Variants in MBD5 observed in about 807,000 individuals in gnomAD.
MBD5 encodes methyl-CpG-binding domain protein 5.
Under a neutral mutation model 117.3 loss-of-function variants are expected in MBD5, and 13 were observed. The ratio of observed to expected loss-of-function variants is 0.11; its 90% CI spans 0.07 to 0.18. The LOEUF (loss-of-function observed/expected upper bound fraction) is 0.18, where lower values mean the gene tolerates loss of function less well. Among genes scored for constraint, MBD5 ranks in the 10% least tolerant of loss-of-function variants. MBD5 has a pLI of 1.00. For synonymous variants in MBD5, 727 were observed against 766.4 expected (o/e 0.95, Z 0.85); for missense variants, 1,879 against 2,093.8 (o/e 0.90, Z 2.00).
intron 3 of MBD5, among the ~76,000 whole-genome samples, chr2:148,303,562 A>G (rs1701822172): frequency 6.6e-6 from 1 of 152,262 alleles, no homozygotes; most frequent in South Asian, 2.1e-4. Flanking sequence ...AACTGACAAA[A>G]AAAGAAAAGT....
At chr2:148,348,545 A>T (rs1210889385) in intron 4 of MBD5, among the ~76,000 whole-genome samples, 1 of 152,080 alleles carries the variant, frequency 6.6e-6, no homozygotes, top group Non-Finnish European at 1.5e-5. Context: ...CATAAATTAT[A>T]GGCTTGGTGT....
intron 3 of MBD5, among the ~76,000 whole-genome samples, chr2:148,278,515 TGTATGTTTTTAA>T (rs1232451569): frequency 6.6e-6 from 1 of 152,218 alleles, no homozygotes; most frequent in Non-Finnish European, 1.5e-5. Flanking sequence ...TTGGGTAATT[TGTATGTTTTTAA>T]GTATATTAAG....
chr2:148,061,628 CAGTG>C (rs1315432067), intron 1 of MBD5, among the ~76,000 whole-genome samples: 5 of 151,460 alleles, frequency 3.3e-5, no homozygotes, highest in Non-Finnish European at 7.4e-5. Context: ...TATATTACAG[CAGTG>C]AGTGTGTGTG....
At chr2:148,409,125 G>A (rs1705176102) in intron 4 of MBD5, among the ~76,000 whole-genome samples, 1 of 151,914 alleles carries the variant, frequency 6.6e-6, no homozygotes, top group South Asian at 2.1e-4. Context: ...GTGACTCATG[G>A]CTATAATCCT....
At chr2:148,241,790 A>G (rs1321743848) in intron 3 of MBD5, among the ~76,000 whole-genome samples, 2 of 152,122 alleles carry the variant, frequency 1.3e-5, no homozygotes, top group East Asian at 3.9e-4. Context: ...CAAGGGTCAA[A>G]TCCTCACTCT....
At chr2:148,397,245 G>A (rs933004061) in intron 4 of MBD5, among the ~76,000 whole-genome samples, 13 of 151,494 alleles carry the variant, frequency 8.6e-5, no homozygotes, top group African/African-American at 1.7e-4. Flanking sequence ...TATGGTCAAC[G>A]TGATTATATT....
intron 1 of MBD5, among the ~76,000 whole-genome samples, chr2:148,082,387 G>A (rs1695667877): frequency 6.6e-6 from 1 of 152,056 alleles, no homozygotes; most frequent in South Asian, 2.1e-4. Context: ...CAGGTTCTCT[G>A]AACTCTTCAG....
intron 3 of MBD5, among the ~76,000 whole-genome samples, chr2:148,298,828 C>T (rs4972351): frequency 0.94 from 143,422 of 152,306 alleles, 68,070 homozygotes; most frequent in East Asian, 1. Context: ...CCAACATGTA[C>T]GAATAGGCAC....
intron 4 of MBD5, among the ~76,000 whole-genome samples, chr2:148,359,423 G>T (rs967383021): frequency 2.6e-5 from 4 of 151,824 alleles, no homozygotes; most frequent in African/African-American, 9.7e-5. Context: ...TTTTTAAACC[G>T]CTTCTAGAAT....
At chr2:148,358,690 G>A (rs1171614820) in intron 4 of MBD5, among the ~76,000 whole-genome samples, 1 of 151,742 alleles carries the variant, frequency 6.6e-6, no homozygotes, top group African/African-American at 2.4e-5. Flanking sequence ...AGGCTGAGGA[G>A]CGGATCGCTT....
chr2:148,358,051 A>G (rs1293695772), intron 4 of MBD5, among the ~76,000 whole-genome samples: 3 of 152,116 alleles, frequency 2.0e-5, no homozygotes, highest in African/African-American at 7.2e-5. Flanking sequence ...ACATTAATAT[A>G]TTGAAATCTC....
chr2:148,320,326 T>TG (rs1553500218), intron 3 of MBD5, among the ~76,000 whole-genome samples: 1 of 151,734 alleles, frequency 6.6e-6, no homozygotes, highest in Non-Finnish European at 1.5e-5. Context: ...GGAGTTTGGG[T>TG]TTGTTGTTGT....
chr2:148,081,085 A>G (rs1030638864), intron 1 of MBD5, among the ~76,000 whole-genome samples: 2 of 152,222 alleles, frequency 1.3e-5, no homozygotes, highest in South Asian at 2.1e-4. Flanking sequence ...TCTATAGAGT[A>G]TATTTCAGCA....
intron 1 of MBD5, among the ~76,000 whole-genome samples, chr2:148,083,546 T>A (rs1052811219): frequency 5.9e-5 from 9 of 152,164 alleles, no homozygotes; most frequent in Non-Finnish European, 1.2e-4. Context: ...TATTCAAGAA[T>A]AAGAAATAGA....
intron 1 of MBD5, among the ~76,000 whole-genome samples, chr2:148,164,740 C>T (rs1332072278): frequency 2.0e-5 from 3 of 152,030 alleles, no homozygotes; most frequent in Non-Finnish European, 4.4e-5. Context: ...CTGATTGTTT[C>T]AGTTCATTTC....
rs376625886 is a variant in MBD5 at position 148,490,099 on chromosome 2, G to T, written c.4467G>T (p.Gly1489=). The T allele has an allele frequency of 3.1e-6, 5 of 1,613,680 alleles. No individual in the cohort carries two copies. The African/African-American group carries it at 4.0e-5, about 13-fold the overall frequency. The change falls in exon 11 of 14, where the codon GGG becomes GGT. Residue 1489 remains glycine, a synonymous_variant. Transcript: ENST00000642680. ...PILLPPRNCP[G]DKILEENFRY... ...TGTTACCACCAAGAAACTGTCCAGG[G>T]GATAAAATTCTAGAGGAAAATTTCA...
rs567182757 is a variant in MBD5 at position 148,048,766 on chromosome 2, G to T, written c.-925+27082G>T. Among the ~76,000 whole-genome samples the T allele has an allele frequency of 1.5e-3, 223 of 152,224 alleles. 1 individual carries two copies. Among genetic ancestry groups the T allele is most frequent in the Middle Eastern group, 3.4e-3 (1 of 294 alleles). On this transcript the variant is annotated intron_variant, in intron 1 of 13. Transcript: ENST00000642680. ...AAACAGAGGACTGAATGTACTCAGGGGAAACTCTGTGGTTGAAAAGTCCCC... is the reference window on the plus strand; with the variant it reads ...AAACAGAGGACTGAATGTACTCAGGTGAAACTCTGTGGTTGAAAAGTCCCC...
chr2:148,221,373 A>T (rs1699682051), intron 2 of MBD5, among the ~76,000 whole-genome samples: 1 of 152,116 alleles, frequency 6.6e-6, no homozygotes, highest in Non-Finnish European at 1.5e-5. Context: ...TTAGTAATTT[A>T]CATTCCTACC....
At chr2:148,379,294 A>G (rs1178240339) in intron 4 of MBD5, among the ~76,000 whole-genome samples, 1 of 152,136 alleles carries the variant, frequency 6.6e-6, no homozygotes, top group African/African-American at 2.4e-5. Context: ...CTGAAAAGAA[A>G]CAATGAAATT....
Sources: gnomAD v4.1 joint callset for allele counts (sites outside exome capture counted in the v4.1 genomes callset) on GRCh38, gnomAD v4.1.1 for gene constraint, MANE v1.5 for transcripts, NCBI Gene and HGNC (gene_info 2026-07-23, HGNC 2026-07-21) for gene names.